DPYD: variants seen among roughly 807,000 people sequenced by gnomAD.
The protein encoded by DPYD is dihydropyrimidine dehydrogenase [NADP(+)].
A neutral mutation model predicts 116.2 loss-of-function variants in DPYD; 109 were observed. The ratio of observed to expected loss-of-function variants is 0.94; its 90% CI spans 0.80 to 1.10. The LOEUF is 1.10. Ranked by LOEUF, DPYD falls within the 50% of genes least tolerant of loss-of-function variation. The pLI is 0.00. For missense variants in DPYD, 1,302 were observed against 1,254.5 expected, an observed-to-expected ratio of 1.04 and a Z score of -0.57; for synonymous variants, 440 against 432.0, an observed-to-expected ratio of 1.02 and a Z score of -0.23.
chr1:97,567,423 T>C (rs545904394), intron 11 of DPYD, among the ~76,000 whole-genome samples: 8 of 152,214 alleles, frequency 5.3e-5, no homozygotes, highest in African/African-American at 1.4e-4. Flanking sequence ...CAGAACTATC[T>C]AGGTTTTGTG....
chr1:97,135,090 A>C (rs1188431366), intron 20 of DPYD, among the ~76,000 whole-genome samples: 2 of 152,144 alleles, frequency 1.3e-5, no homozygotes, highest in East Asian at 3.8e-4. Context: ...CCTAAGCATT[A>C]AGTTTGGTCA....
At chr1:97,317,850 C>G (rs11582955) in intron 16 of DPYD, among the ~76,000 whole-genome samples, 2 of 151,760 alleles carry the variant, frequency 1.3e-5, no homozygotes, top group Non-Finnish European at 2.9e-5. Context: ...TTTTAAATAA[C>G]CTATCAGAGA....
chr1:97,765,539 G>A (rs1041603202), intron 3 of DPYD, among the ~76,000 whole-genome samples: 1 of 152,172 alleles, frequency 6.6e-6, no homozygotes, highest in Non-Finnish European at 1.5e-5. Flanking sequence ...CACCTCCCAG[G>A]TGGGTTTAGG....
intron 13 of DPYD, among the ~76,000 whole-genome samples, chr1:97,478,947 A>AG (rs1678148083): frequency 6.6e-6 from 1 of 152,188 alleles, no homozygotes; most frequent in African/African-American, 2.4e-5. Flanking sequence ...TGTTGGCTTC[A>AG]AACTTCTCTT....
Position 97,724,759 on chromosome 1 carries a change from T to G in DPYD, c.322-3088A>C, listed in dbSNP as rs1449824131. Among the ~76,000 whole-genome samples the G allele has an allele frequency of 4.0e-5, 6 of 151,522 alleles. No individual in the cohort carries two copies. In the East Asian group the frequency reaches 1.2e-3, roughly 29 times the overall value. On this transcript the variant is annotated intron_variant, in intron 4 of 22. Transcript: ENST00000370192. ...TCCAAGATAAAATTTAACCAAATAC[T>G]TGAGCACACAAAGGTTCAATCAATC...
intron 2 of DPYD, among the ~76,000 whole-genome samples, chr1:97,871,670 T>C (rs965774171): frequency 9.2e-5 from 14 of 151,722 alleles, no homozygotes; most frequent in Admixed American, 1.3e-4. Context: ...TTGTGGCTGT[T>C]TCTCTCTCTC....
At chr1:97,646,717 C>G (rs999560442) in intron 8 of DPYD, among the ~76,000 whole-genome samples, 2 of 151,972 alleles carry the variant, frequency 1.3e-5, no homozygotes, top group South Asian at 2.1e-4. Flanking sequence ...TATTACTCAT[C>G]ATGTAATGAG....
At chr1:97,790,359 C>A (rs1032916660) in intron 3 of DPYD, among the ~76,000 whole-genome samples, 6 of 152,110 alleles carry the variant, frequency 3.9e-5, no homozygotes, top group African/African-American at 4.8e-5. Context: ...ATATTTTAGT[C>A]TCTAATAGTT....
At chr1:97,591,105 A>T (rs1654487172) in intron 10 of DPYD, among the ~76,000 whole-genome samples, 1 of 152,120 alleles carries the variant, frequency 6.6e-6, no homozygotes, top group Non-Finnish European at 1.5e-5. Flanking sequence ...TTAGCTTGCC[A>T]TGGAATGTTT....
intron 20 of DPYD, among the ~76,000 whole-genome samples, chr1:97,182,509 A>G (rs1387449923): frequency 1.3e-5 from 2 of 152,102 alleles, no homozygotes; most frequent in Non-Finnish European, 2.9e-5. Context: ...CCTCAATAAT[A>G]TATTTTATAT....
At chr1:97,218,761 A>C (rs1660586539) in intron 19 of DPYD, among the ~76,000 whole-genome samples, 2 of 152,152 alleles carry the variant, frequency 1.3e-5, no homozygotes, top group African/African-American at 4.8e-5. Flanking sequence ...AAAAGTGATG[A>C]GTGGGCTTTC....
chr1:97,873,265 A>G (rs1671747061), intron 2 of DPYD, among the ~76,000 whole-genome samples: 1 of 152,026 alleles, frequency 6.6e-6, no homozygotes, highest in African/African-American at 2.4e-5. Context: ...TCAAATATTT[A>G]TACTATATAA....
intron 8 of DPYD, among the ~76,000 whole-genome samples, chr1:97,633,626 A>G (rs991396413): frequency 2.3e-4 from 35 of 152,234 alleles, no homozygotes; most frequent in African/African-American, 7.0e-4. Context: ...AGGTTCTGTC[A>G]AGGGGGCCTG....
chr1:97,176,801 A>G (rs762368605), intron 20 of DPYD, among the ~76,000 whole-genome samples: 24 of 151,894 alleles, frequency 1.6e-4, no homozygotes, highest in Non-Finnish European at 3.1e-4. Context: ...CAGGGGTCAA[A>G]TGACCATACA....
intron 3 of DPYD, among the ~76,000 whole-genome samples, chr1:97,770,909 T>C (rs1480500842): frequency 6.6e-6 from 1 of 152,238 alleles, no homozygotes; most frequent in Non-Finnish European, 1.5e-5. Flanking sequence ...TATTATAAAC[T>C]AGTCATTGTG....
chr1:97,492,208 T>A (rs1164560821), intron 13 of DPYD, among the ~76,000 whole-genome samples: 14 of 152,124 alleles, frequency 9.2e-5, no homozygotes, highest in Non-Finnish European at 1.8e-4. Flanking sequence ...CTTGGACTTG[T>A]GGAATGATTG....
intron 8 of DPYD, among the ~76,000 whole-genome samples, chr1:97,643,677 C>T (rs531734643): frequency 6.6e-6 from 1 of 152,182 alleles, no homozygotes; most frequent in Admixed American, 6.5e-5. Context: ...AGACTTGAAA[C>T]CAACCCAAAT....
At chr1:97,741,430 C>A (rs1352694131) in intron 3 of DPYD, among the ~76,000 whole-genome samples, 1 of 152,098 alleles carries the variant, frequency 6.6e-6, no homozygotes, top group Admixed American at 6.6e-5. Context: ...CACAGAGGAG[C>A]CCCTACTGAG....
intron 20 of DPYD, among the ~76,000 whole-genome samples, chr1:97,138,884 C>T (rs1044282580): frequency 3.3e-5 from 5 of 152,194 alleles, no homozygotes; most frequent in Non-Finnish European, 5.9e-5. Context: ...GCACCAGTGA[C>T]GAGCTTTCAC....
Sources: allele counts gnomAD v4.1 joint callset (sites outside exome capture counted in the v4.1 genomes callset), GRCh38; gene constraint gnomAD v4.1.1; transcripts MANE v1.5; gene names NCBI Gene and HGNC (gene_info 2026-07-23, HGNC 2026-07-21).